Variants in KIF17 observed in about 807,000 individuals in gnomAD.
KIF17 encodes the protein kinesin family member 17, also known as kinesin-like protein KIF17.
A neutral mutation model predicts 96.8 loss-of-function variants in KIF17; 80 were observed. That is an observed-to-expected ratio of 0.83 (90% CI 0.69 to 1.00). KIF17 has a LOEUF of 1.00. KIF17 is among the 50% of genes least tolerant of loss of function. KIF17 has a pLI of 0.00. For synonymous variants in KIF17, 567 were observed against 587.5 expected (o/e 0.97, Z 0.51); for missense variants, 1,280 against 1,372.9 (o/e 0.93, Z 1.07).
At chr1:20,714,673 T>C (rs1196406539) in intron 2 of KIF17, among the ~76,000 whole-genome samples, 1 of 150,948 alleles carries the variant, frequency 6.6e-6, no homozygotes, top group Non-Finnish European at 1.5e-5. Flanking sequence ...GATGGGCGCC[T>C]GTAATCCCAG....
intron 14 of KIF17, among the ~76,000 whole-genome samples, chr1:20,665,610 A>G (rs1186585983): frequency 3.3e-5 from 5 of 151,976 alleles, no homozygotes; most frequent in Admixed American, 3.3e-4. Context: ...CATGTTGGCC[A>G]GGCTTGTCTT....
At chr1:20,683,149 A>T (rs2053863009) in intron 10 of KIF17, among the ~76,000 whole-genome samples, 1 of 152,042 alleles carries the variant, frequency 6.6e-6, no homozygotes, top group Admixed American at 6.6e-5. Flanking sequence ...CCCACCCCTG[A>T]CCCGTGGACT....
At chr1:20,712,563 T>TTATCTATATATA (rs2054458362) in intron 3 of KIF17, among the ~76,000 whole-genome samples, 1 of 67,452 alleles carries the variant, frequency 1.5e-5, no homozygotes, top group African/African-American at 4.0e-5. Flanking sequence ...ATCTATATTA[T>TTATCTATATATA]ATATATAGAT....
Position 20,690,352 on chromosome 1 carries a change from G to GGGGGGGGGGCCCCCC in KIF17, c.1234-18_1234-17insGGGGGGCCCCCCCCC. 1 of 451,154 alleles carries GGGGGGGGGGCCCCCC rather than the reference G, an allele frequency of 2.2e-6. No homozygotes were observed. Among genetic ancestry groups the GGGGGGGGGGCCCCCC allele is most frequent in the Non-Finnish European group, 4.3e-6 (1 of 235,138 alleles). The allele number at this position is 451,154 out of a possible 1,614,324, so 27.9% of individuals were successfully genotyped here. A position where few individuals can be genotyped will look rare whatever the true frequency, so the allele number is the denominator to read the frequency against. On this transcript the variant is annotated splice_polypyrimidine_tract_variant and intron_variant, in intron 6 of 14. Coordinates refer to ENST00000400463, the MANE Select transcript of KIF17 (RefSeq NM_001122819.3). ...TTCATACTCCTGGGGGGGTGGGAGG[G>GGGGGGGGGGCCCCCC]ACCAGAGGGCAGGCAGCATTTTATC...
intron 4 of KIF17, among the ~76,000 whole-genome samples, chr1:20,705,893 CTTTTTTTTT>C (rs747719983): frequency 1.9e-4 from 10 of 53,564 alleles, no homozygotes; most frequent in South Asian, 7.7e-4. Flanking sequence ...TAGGATGTCT[CTTTTTTTTT>C]TTTTTTTTTT....
Position 20,675,982 on chromosome 1 carries a change from G to A in KIF17, c.2464-3786C>T. ...TTGAACCCAGGAGATGGAGGTTGCA[G>A]TGAGCGGAAATTGTGCCACTGCACT... On this transcript the variant is annotated intron_variant, in intron 11 of 14. Coordinates refer to ENST00000400463, the MANE Select transcript of KIF17 (RefSeq NM_001122819.3). Among the ~76,000 whole-genome samples, 2 of 152,142 alleles carry A rather than the reference G, an allele frequency of 1.3e-5. 1 individual carries two copies. The highest frequency in any genetic ancestry group is 2.9e-5 in the Non-Finnish European group (2 of 68,030).
At chr1:20,674,906 T>G (rs1033504657) in intron 11 of KIF17, among the ~76,000 whole-genome samples, 4 of 152,056 alleles carry the variant, frequency 2.6e-5, no homozygotes, top group Non-Finnish European at 5.9e-5. Context: ...TCCCAGCACT[T>G]TGGGAGGCCG....
Position 20,709,650 on chromosome 1 carries a change from A to C in KIF17, c.659T>G (p.Met220Arg). 6.2e-7 allele frequency: 1 copy of C among 1,614,006 alleles called. No homozygotes were observed. The highest frequency in any genetic ancestry group is 1.1e-5 in the South Asian group (1 of 91,078). Residue 220 changes from methionine (M) to arginine (R), a missense_variant, in exon 4 of 15, where the codon ATG (methionine) becomes AGG (arginine). Physicochemically the swap from Met to Arg is moderately conservative, Grantham distance 91. Transcript: ENST00000400463. This position sits in a 1 kb window ranked among gnomAD's most constrained non-coding sequence, Gnocchi z 4.7. ...ATGGCCTCGCATACCCACGGCAGAC[A>C]TCTCGATGCTGATGGTGAAGATGGA... The part of the protein sequence containing the change: ...SHSIFTISIE[M>R]SAVDERGKDH...
chr1:20,696,373 G>A (rs1324746696), intron 6 of KIF17, among the ~76,000 whole-genome samples: 1 of 152,174 alleles, frequency 6.6e-6, no homozygotes, highest in African/African-American at 2.4e-5. Flanking sequence ...TGGGGGAGGG[G>A]CACAGACATC....
In KIF17 at chr1:20,703,873, A is replaced by G. The variant is rs1007904748; in HGVS notation, c.1123+574T>C. ...GTGAACCCGGGAGGCAGAGGTTGCA[A>G]TGAGCCGAGATCATGCCACTGCCCT... On this transcript the variant is annotated intron_variant, in intron 5 of 14. Transcript: ENST00000400463. Among the ~76,000 whole-genome samples the G allele has an allele frequency of 1.3e-4, 19 of 151,876 alleles. 1 individual carries two copies. The highest frequency in any genetic ancestry group is 4.3e-4 in the African/African-American group (18 of 41,452).
At chr1:20,662,957 G>T (rs1009897480), downstream of KIF17, among the ~76,000 whole-genome samples, 1 of 152,312 alleles carries the variant, frequency 6.6e-6, no homozygotes, top group Admixed American at 6.5e-5. Context: ...ACCAGGCGCG[G>T]TGGCTCACAC....
rs1453678302 is a variant in KIF17 at position 20,672,986 on chromosome 1, AGGCCGAAGCG to A, written c.2464-800_2464-791del. On this transcript the variant is annotated intron_variant, in intron 11 of 14. Transcript: ENST00000400463. This position sits in a 1 kb window ranked among gnomAD's most constrained non-coding sequence, Gnocchi z 4.3. ...ACACCTGTAATCCCAGCACTTTGGAAGGCCGAAGCGGGCGGATCACTTGAGGTCAGGAGTT... is the reference window on the plus strand; with the variant it reads ...ACACCTGTAATCCCAGCACTTTGGAAGGCGGATCACTTGAGGTCAGGAGTT... The A allele has an allele frequency of 6.6e-6, 1 of 152,446 alleles. No homozygotes were observed. Among genetic ancestry groups the A allele is most frequent in the East Asian group, 1.9e-4 (1 of 5,184 alleles). The allele number at this position is 152,446 out of a possible 1,614,324, so 9.4% of individuals were successfully genotyped here.
intron 5 of KIF17, among the ~76,000 whole-genome samples, chr1:20,703,189 G>A (rs961439303): frequency 4.6e-5 from 7 of 151,752 alleles, no homozygotes; most frequent in Middle Eastern, 3.2e-3. Context: ...ATGGATGGAC[G>A]GATGGATGGG....
intron 10 of KIF17, among the ~76,000 whole-genome samples, chr1:20,684,336 T>C (rs1447597323): frequency 6.6e-6 from 1 of 152,198 alleles, no homozygotes; most frequent in Non-Finnish European, 1.5e-5. Context: ...GACCACGACA[T>C]GGAGGTCGGG....
Position 20,703,491 on chromosome 1 carries a change from G to C in KIF17, c.1123+956C>G, listed in dbSNP as rs201852783. ...GGGAGGATGGATAGATGGATAGATG[G>C]ATGGATGCATGGATGGATGGATGGA... On this transcript the variant is annotated intron_variant, in intron 5 of 14. Transcript: ENST00000400463. 9.3e-4 allele frequency among the ~76,000 whole-genome samples: 106 copies of C among 114,242 alleles called. 1 individual carries two copies. Among genetic ancestry groups the C allele is most frequent in the East Asian group, 4.8e-3 (18 of 3,766 alleles). 74.9% of individuals were successfully genotyped at this position (114,242 alleles called of 152,430 possible).
chr1:20,707,872 T>C (rs938761135), intron 4 of KIF17, among the ~76,000 whole-genome samples: 3 of 146,700 alleles, frequency 2.0e-5, no homozygotes, highest in African/African-American at 7.5e-5. Context: ...AATATATACA[T>C]TTATATATAA....
At chr1:20,670,006 AAAGAC>A (rs1287267184) in intron 13 of KIF17, among the ~76,000 whole-genome samples, 67 of 151,590 alleles carry the variant, frequency 4.4e-4, no homozygotes, top group Admixed American at 8.5e-4. Context: ...AAAAAAAAAA[AAAGAC>A]AGAATATGAG....
rs1198041182 is a variant in KIF17 at position 20,692,298 on chromosome 1, A to G, written c.1234-1963T>C. Among the ~76,000 whole-genome samples the G allele has an allele frequency of 2.7e-5, 4 of 150,760 alleles. No individual in the cohort carries two copies. The East Asian group carries it at 7.7e-4, about 29-fold the overall frequency. On this transcript the variant is annotated intron_variant, in intron 6 of 14. Coordinates refer to ENST00000400463, the MANE Select transcript of KIF17 (RefSeq NM_001122819.3). The stretch of plus-strand genomic sequence containing the variant: ...GGCCTTCCCTGACCATACTCTCAGA[A>G]GCAGAAGGCCTCCTGCACTGCTCCC...
At chr1:20,667,056 G>C (rs903911224) in intron 13 of KIF17, among the ~76,000 whole-genome samples, 1 of 152,164 alleles carries the variant, frequency 6.6e-6, no homozygotes, top group Non-Finnish European at 1.5e-5. Flanking sequence ...TCTAGTTTCA[G>C]GATGCTTTAA....
Sources: gnomAD v4.1 joint callset for allele counts (sites outside exome capture counted in the v4.1 genomes callset) on GRCh38, gnomAD v4.1.1 for gene constraint, Gnocchi (gnomAD v3.1) non-coding constraint, MANE v1.5 for transcripts, NCBI Gene and HGNC (gene_info 2026-07-23, HGNC 2026-07-21) for gene names.